The following SYT17 variants were observed in gnomAD, a reference collection of about 807,000 sequenced individuals.
SYT17 encodes synaptotagmin 17.
In SYT17, 22 loss-of-function variants were observed where a neutral mutation model predicts 46.7. The ratio of observed to expected loss-of-function variants is 0.47; its 90% CI spans 0.34 to 0.67. The LOEUF (loss-of-function observed/expected upper bound fraction) is 0.67. SYT17 is among the 30% of genes least tolerant of loss of function. The pLI is 0.01. For synonymous variants in SYT17, 251 were observed against 248.4 expected (o/e 1.01, Z -0.10); for missense variants, 519 against 612.8 (o/e 0.85, Z 1.62).
chr16:19,185,312 C>T lies in SYT17; in HGVS notation c.951+1165C>T, dbSNP rs565235667. Among the ~76,000 whole-genome samples, 139 of 152,286 alleles carry T rather than the reference C, an allele frequency of 9.1e-4. 1 individual carries two copies. Among genetic ancestry groups the T allele is most frequent in the Non-Finnish European group, 1.7e-3 (117 of 68,016 alleles). Reference sequence around the variant, plus strand: ...AATAAGAGCTGCCTTCCAGGCCAGGCGCAGTGGCTTACGCCTGTAATCCCA... The same window carrying T: ...AATAAGAGCTGCCTTCCAGGCCAGGTGCAGTGGCTTACGCCTGTAATCCCA... On this transcript the variant is annotated intron_variant, in intron 5 of 7. Coordinates refer to ENST00000355377, the MANE Select transcript of SYT17 (RefSeq NM_016524.4).
chr16:19,264,413 A>G (rs538401451), intron 7 of SYT17, among the ~76,000 whole-genome samples: 7 of 152,218 alleles, frequency 4.6e-5, no homozygotes, highest in Middle Eastern at 3.4e-3. Context: ...ATATCCTTGT[A>G]TGTGTATTTT....
intron 7 of SYT17, among the ~76,000 whole-genome samples, chr16:19,241,347 G>A (rs1304529191): frequency 4.6e-5 from 7 of 152,134 alleles, no homozygotes; most frequent in South Asian, 2.1e-4. Context: ...GGCTGGGGAG[G>A]GAAGGGTGCC....
chr16:19,202,022 T>G (rs1190576968), intron 5 of SYT17, among the ~76,000 whole-genome samples: 1 of 152,206 alleles, frequency 6.6e-6, no homozygotes, highest in Non-Finnish European at 1.5e-5. Context: ...TTACTCACAC[T>G]TCTGACACCA....
intron 7 of SYT17, among the ~76,000 whole-genome samples, chr16:19,231,523 C>CAAAAAAAAAAAAAAAAA (rs143448107): frequency 8.7e-5 from 4 of 45,850 alleles, no homozygotes; most frequent in Non-Finnish European, 1.7e-4. Flanking sequence ...AACTCCATCA[C>CAAAAAAAAAAAAAAAAA]AAAAAAAAAA....
At chr16:19,228,213 A>G (rs1966562505) in intron 7 of SYT17, among the ~76,000 whole-genome samples, 1 of 152,044 alleles carries the variant, frequency 6.6e-6, no homozygotes. Flanking sequence ...TAGCCACACC[A>G]CACCCCCTCT....
rs1283010407 is a variant in SYT17 at position 19,168,495 on chromosome 16, C to T, written c.-152C>T. ...ACGGGGCGGCCGGCGGAGGGGCGGG[C>T]GCCGCTCATCAGCCACGCCAGTCAC... On this transcript the variant is annotated 5_prime_UTR_variant, in exon 1 of 8. Coordinates refer to ENST00000355377, the MANE Select transcript of SYT17 (RefSeq NM_016524.4). This position sits in a 1 kb window ranked among gnomAD's most constrained non-coding sequence, Gnocchi z 6.9. The T allele has an allele frequency of 9.6e-7, 1 of 1,043,870 alleles. No individual in the cohort carries two copies. Among genetic ancestry groups the T allele is most frequent in the South Asian group, 1.6e-5 (1 of 63,506 alleles). The allele number at this position is 1,043,870 out of a possible 1,614,324, so 64.7% of individuals were successfully genotyped here.
At chr16:19,218,783 A>G (rs1435572709) in intron 5 of SYT17, among the ~76,000 whole-genome samples, 2 of 152,170 alleles carry the variant, frequency 1.3e-5, no homozygotes, top group African/African-American at 4.8e-5. Flanking sequence ...TGGTTCCTGT[A>G]GGCGTCTCTA....
intron 3 of SYT17, among the ~76,000 whole-genome samples, chr16:19,177,213 C>T (rs925154131): frequency 2.0e-5 from 3 of 152,124 alleles, no homozygotes; most frequent in Non-Finnish European, 4.4e-5. Context: ...GAGAAGTGGA[C>T]TGGAACTTTC....
At chr16:19,204,461 C>T (rs771948542) in intron 5 of SYT17, among the ~76,000 whole-genome samples, 3 of 151,908 alleles carry the variant, frequency 2.0e-5, no homozygotes, top group Non-Finnish European at 4.4e-5. Flanking sequence ...ACTCAGCTTT[C>T]GGCGTTGAGG....
At chr16:19,261,746 A>G (rs1968990903) in intron 7 of SYT17, among the ~76,000 whole-genome samples, 1 of 152,202 alleles carries the variant, frequency 6.6e-6, no homozygotes, top group African/African-American at 2.4e-5. Context: ...TTGTGCTTAC[A>G]TATACTGTTT....
At chr16:19,181,454 T>C (rs1169853457) in intron 4 of SYT17, among the ~76,000 whole-genome samples, 1 of 139,778 alleles carries the variant, frequency 7.2e-6, no homozygotes, top group Admixed American at 7.3e-5. Flanking sequence ...TTCCTGGGGA[T>C]AGAGGGAAAA....
intron 5 of SYT17, among the ~76,000 whole-genome samples, chr16:19,213,580 G>A (rs182417081): frequency 2.0e-4 from 31 of 152,302 alleles, no homozygotes; most frequent in Admixed American, 1.6e-3. Flanking sequence ...GGAGCTTCTC[G>A]CATCAGATAG....
intron 3 of SYT17, among the ~76,000 whole-genome samples, chr16:19,175,029 T>C (rs1964258947): frequency 6.6e-6 from 1 of 152,258 alleles, no homozygotes; most frequent in South Asian, 2.1e-4. Flanking sequence ...CTCTGGAGGC[T>C]GAGGTGGGAG....
rs1389707367 is a variant in SYT17, at chr16:19,216,030, C to A, written c.952-7015C>A. 3.9e-5 allele frequency among the ~76,000 whole-genome samples: 6 copies of A among 152,110 alleles called. No homozygotes were observed. In the East Asian group the frequency reaches 1.2e-3, roughly 29 times the overall value. On this transcript the variant is annotated intron_variant, in intron 5 of 7. Coordinates refer to ENST00000355377, the MANE Select transcript of SYT17 (RefSeq NM_016524.4). ...AAGACTTGCCTCCATGATTCAATTACCTCCCACCAGGCCCCTCCCACTATA... is the reference window on the plus strand; with the variant it reads ...AAGACTTGCCTCCATGATTCAATTAACTCCCACCAGGCCCCTCCCACTATA...
At chr16:19,253,654 GAA>G (rs1567235666) in intron 7 of SYT17, among the ~76,000 whole-genome samples, 2 of 108,590 alleles carry the variant, frequency 1.8e-5, no homozygotes, top group Non-Finnish European at 2.2e-5. Context: ...GAAAAGAAAA[GAA>G]AAAAGAAAAG....
Position 19,267,976 on chromosome 16 carries a change from A to AGTGTGTGT in SYT17, c.*902_*903insGTGTGTGT, listed in dbSNP as rs760178625. On this transcript the variant is annotated 3_prime_UTR_variant, in exon 8 of 8. Transcript: ENST00000355377. ...TGTGTGTGTGTGTGTGTGTGTGTAA[A>AGTGTGTGT]GTAAATAGGATATGATAGAGCAAAA... The AGTGTGTGT allele has an allele frequency of 3.5e-4, 30 of 84,768 alleles. No homozygotes were observed. The highest frequency in any genetic ancestry group is 2.1e-3 in the Admixed American group (15 of 7,000). 5.3% of individuals were successfully genotyped at this position (84,768 alleles called of 1,614,324 possible).
chr16:19,173,822 C>A (rs932040665), intron 3 of SYT17, among the ~76,000 whole-genome samples: 1 of 152,086 alleles, frequency 6.6e-6, no homozygotes, highest in African/African-American at 2.4e-5. Context: ...GCACATCGGG[C>A]CTTCTGAGAT....
chr16:19,186,501 A>G (rs1964796712), intron 5 of SYT17, among the ~76,000 whole-genome samples: 2 of 152,178 alleles, frequency 1.3e-5, no homozygotes, highest in African/African-American at 2.4e-5. Context: ...ATAAAATAAC[A>G]AAAGTGTGTA....
intron 5 of SYT17, among the ~76,000 whole-genome samples, chr16:19,214,485 C>T (rs1049422604): frequency 1.3e-5 from 2 of 152,176 alleles, no homozygotes; most frequent in South Asian, 2.1e-4. Flanking sequence ...TAGGCATGAG[C>T]CACCATGCTT....
Sources: allele counts gnomAD v4.1 joint callset (sites outside exome capture counted in the v4.1 genomes callset), GRCh38; gene constraint gnomAD v4.1.1; non-coding constraint Gnocchi (gnomAD v3.1); transcripts MANE v1.5; gene names NCBI Gene and HGNC (gene_info 2026-07-23, HGNC 2026-07-21).